Variants in STAG1 observed in about 807,000 individuals in gnomAD.
STAG1 encodes cohesin subunit SA-1.
Under a neutral mutation model 170.9 loss-of-function variants are expected in STAG1, and 26 were observed. The observed-to-expected ratio is 0.15, with a 90% CI of 0.11 to 0.21. The LOEUF is 0.21. Among genes scored for constraint, STAG1 ranks in the 10% least tolerant of loss-of-function variants. The pLI is 1.00. For missense variants in STAG1, 964 were observed against 1,509.5 expected, an observed-to-expected ratio of 0.64 and a Z score of 5.99; for synonymous variants, 514 against 497.7, an observed-to-expected ratio of 1.03 and a Z score of -0.44.
chr3:136,538,206 C>T (rs1219611211), intron 6 of STAG1, among the ~76,000 whole-genome samples: 1 of 151,928 alleles, frequency 6.6e-6, no homozygotes, highest in Non-Finnish European at 1.5e-5. Flanking sequence ...AATGATAGCG[C>T]AATACTATAT....
chr3:136,725,968 T>G (rs926926599), intron 1 of STAG1, among the ~76,000 whole-genome samples: 5 of 152,136 alleles, frequency 3.3e-5, no homozygotes, highest in African/African-American at 4.8e-5. Context: ...CTACTCTAAC[T>G]CCAATACACA....
At chr3:136,652,846 C>T (rs1941260873) in intron 1 of STAG1, among the ~76,000 whole-genome samples, 1 of 152,160 alleles carries the variant, frequency 6.6e-6, no homozygotes, top group Admixed American at 6.5e-5. Context: ...GCCAGATAAA[C>T]TAGTTGTTGT....
intron 1 of STAG1, among the ~76,000 whole-genome samples, chr3:136,694,074 C>T (rs1942807569): frequency 6.6e-6 from 1 of 152,166 alleles, no homozygotes; most frequent in East Asian, 1.9e-4. Flanking sequence ...TGAATACCAC[C>T]TGGAGTCTGT....
intron 4 of STAG1, among the ~76,000 whole-genome samples, chr3:136,573,329 G>A (rs902259023): frequency 2.0e-5 from 3 of 152,092 alleles, no homozygotes; most frequent in African/African-American, 4.8e-5. Flanking sequence ...CATAAATACA[G>A]GGGACCATGA....
At chr3:136,705,427 C>T (rs78519839) in intron 1 of STAG1, among the ~76,000 whole-genome samples, 95 of 140,288 alleles carry the variant, frequency 6.8e-4, no homozygotes, top group Middle Eastern at 3.7e-3. Flanking sequence ...ACACACACAA[C>T]GAAGTTCAAC....
chr3:136,726,673 C>T (rs1396122475), intron 1 of STAG1, among the ~76,000 whole-genome samples: 1 of 152,240 alleles, frequency 6.6e-6, no homozygotes, highest in Non-Finnish European at 1.5e-5. Flanking sequence ...ATCAATCTGT[C>T]TTGGCCTCCA....
At chr3:136,558,413 C>G (rs1195883009) in intron 5 of STAG1, among the ~76,000 whole-genome samples, 2 of 152,028 alleles carry the variant, frequency 1.3e-5, no homozygotes, top group East Asian at 1.9e-4. Context: ...AAATAAAAAT[C>G]TTACAAAACA....
chr3:136,604,291 T>C lies in STAG1; in HGVS notation c.297+18A>G, dbSNP rs368575186. ...TAACTGTATTGCTTTATACGTGAAA[T>C]AAAAACTTAAAATTTACCTGCATTG... On this transcript the variant is annotated intron_variant, in intron 4 of 33. Transcript: ENST00000383202. 1 of 1,601,710 alleles carries C rather than the reference T, an allele frequency of 6.2e-7. No individual in the cohort carries two copies. Among genetic ancestry groups the C allele is most frequent in the Non-Finnish European group, 8.5e-7 (1 of 1,175,818 alleles).
chr3:136,748,585 A>G lies in STAG1; in HGVS notation c.-84+3610T>C, dbSNP rs185845694. ...TAATTTTTGTATTTTTAGTATAGAC[A>G]GGGTTTCACCATGTCGGCCACGGCC... is the stretch of plus-strand genomic sequence containing the variant. On this transcript the variant is annotated intron_variant, in intron 1 of 33. Coordinates refer to ENST00000383202, the MANE Select transcript of STAG1 (RefSeq NM_005862.3). 9.1e-3 allele frequency among the ~76,000 whole-genome samples: 894 copies of G among 98,186 alleles called. 10 individuals carry two copies. The highest frequency in any genetic ancestry group is 0.059 in the African/African-American group (831 of 14,048). The allele number at this position is 98,186 out of a possible 152,430, so 64.4% of individuals were successfully genotyped here.
intron 1 of STAG1, among the ~76,000 whole-genome samples, chr3:136,638,511 T>C (rs1319538596): frequency 6.6e-6 from 1 of 152,236 alleles, no homozygotes; most frequent in Non-Finnish European, 1.5e-5. Flanking sequence ...TATGTGTTTA[T>C]GGATATATTT....
intron 6 of STAG1, among the ~76,000 whole-genome samples, chr3:136,539,678 C>A (rs573970282): frequency 2.0e-5 from 3 of 152,272 alleles, no homozygotes; most frequent in African/African-American, 7.2e-5. Context: ...TATGTATTGA[C>A]TGAACAGCCC....
At chr3:136,412,081 T>TC (rs2087640372) in intron 21 of STAG1, among the ~76,000 whole-genome samples, 1 of 151,980 alleles carries the variant, frequency 6.6e-6, no homozygotes, top group Non-Finnish European at 1.5e-5. Flanking sequence ...TGAAAGGAAC[T>TC]CCCACTGGCC....
rs1935789045 is a variant in STAG1, at chr3:136,338,353, A to G, written c.3753+17T>C. On this transcript the variant is annotated intron_variant, in intron 33 of 33. Coordinates refer to ENST00000383202, the MANE Select transcript of STAG1 (RefSeq NM_005862.3). ...CCAGGAACCATAAATAAAAAGCAGT[A>G]ATAATTTGACATTTACTGAATCATC... 6.2e-7 allele frequency: 1 copy of G among 1,604,384 alleles called. No individual in the cohort carries two copies. Among genetic ancestry groups the G allele is most frequent in the South Asian group, 1.1e-5 (1 of 90,754 alleles).
intron 12 of STAG1, among the ~76,000 whole-genome samples, chr3:136,469,219 G>C (rs146487606): frequency 0.011 from 1,720 of 152,154 alleles, 30 homozygotes; most frequent in East Asian, 0.047. Context: ...AGACAGGATT[G>C]TATATTTAGA....
At chr3:136,585,403 C>G (rs1307192248) in intron 4 of STAG1, among the ~76,000 whole-genome samples, 1 of 152,140 alleles carries the variant, frequency 6.6e-6, no homozygotes, top group South Asian at 2.1e-4. Context: ...GATCACGCCG[C>G]TGCACTACAG....
chr3:136,434,586 G>A (rs1422872519), intron 15 of STAG1, among the ~76,000 whole-genome samples: 1 of 152,132 alleles, frequency 6.6e-6, no homozygotes, highest in Non-Finnish European at 1.5e-5. Context: ...AATGATGCAA[G>A]TATTTTCTCC....
chr3:136,451,718 G>A (rs2088948098), intron 14 of STAG1, among the ~76,000 whole-genome samples: 1 of 151,358 alleles, frequency 6.6e-6, no homozygotes, highest in Non-Finnish European at 1.5e-5. Context: ...AGCCGAGATC[G>A]CACCACTGTA....
At chr3:136,470,243 A>G (rs944967832) in intron 12 of STAG1, among the ~76,000 whole-genome samples, 25 of 152,354 alleles carry the variant, frequency 1.6e-4, no homozygotes, top group East Asian at 3.9e-4. Context: ...TCATCTGACA[A>G]AAGGCTAATA....
chr3:136,695,704 C>G (rs951304473), intron 1 of STAG1, among the ~76,000 whole-genome samples: 2 of 151,154 alleles, frequency 1.3e-5, no homozygotes, highest in Non-Finnish European at 2.9e-5. Flanking sequence ...GGGAAAATCC[C>G]TCATAAACAA....
Sources: allele counts gnomAD v4.1 joint callset (sites outside exome capture counted in the v4.1 genomes callset), GRCh38; gene constraint gnomAD v4.1.1; transcripts MANE v1.5; gene names NCBI Gene and HGNC (gene_info 2026-07-23, HGNC 2026-07-21).